KAT2B: variants seen among roughly 807,000 people sequenced by gnomAD.
KAT2B encodes lysine acetyltransferase 2B.
KAT2B carries 36 observed loss-of-function variants against 105.9 expected under a neutral mutation model. The observed-to-expected ratio is 0.34, with a 90% CI of 0.26 to 0.45. The LOEUF (loss-of-function observed/expected upper bound fraction) is 0.45, where lower values mean the gene tolerates loss of function less well. Ranked by LOEUF, KAT2B falls within the 20% of genes least tolerant of loss-of-function variation. KAT2B has a pLI of 1.00. For missense variants in KAT2B, 820 were observed against 1,021.6 expected (o/e 0.80, Z 2.69); for synonymous variants, 397 against 377.9 (o/e 1.05, Z -0.59).
chr3:20,058,959 A>G (rs1489419722), intron 1 of KAT2B, among the ~76,000 whole-genome samples: 2 of 152,190 alleles, frequency 1.3e-5, no homozygotes, highest in Non-Finnish European at 2.9e-5. Flanking sequence ...CTTAATCTTC[A>G]TTTTGATGAG....
At chr3:20,045,232 G>A (rs1450701030) in intron 1 of KAT2B, among the ~76,000 whole-genome samples, 1 of 151,984 alleles carries the variant, frequency 6.6e-6, no homozygotes, top group Non-Finnish European at 1.5e-5. Flanking sequence ...TTGCCAGGCT[G>A]GTTTCCAACT....
intron 2 of KAT2B, among the ~76,000 whole-genome samples, chr3:20,091,140 A>G (rs1698711539): frequency 1.3e-5 from 2 of 152,142 alleles, no homozygotes; most frequent in Admixed American, 1.3e-4. Flanking sequence ...GGGCTTTTCC[A>G]TGATGGAAGA....
chr3:20,079,698 A>G (rs1201323495), intron 2 of KAT2B, among the ~76,000 whole-genome samples: 2 of 152,194 alleles, frequency 1.3e-5, no homozygotes, highest in Admixed American at 6.5e-5. Context: ...CTTGTACCAT[A>G]TAATTGCCCC....
chr3:20,101,545 T>A, intron 5 of KAT2B, 77 bp downstream of exon 5: 3 of 1,132,910 alleles, frequency 2.6e-6, no homozygotes, highest in Non-Finnish European at 2.6e-6. Flanking sequence ...ACTCTATAAG[T>A]ATAGGGCTGC....
At chr3:20,107,806 C>CTTT (rs1206858155) in intron 5 of KAT2B, among the ~76,000 whole-genome samples, 7 of 113,758 alleles carry the variant, frequency 6.2e-5, no homozygotes, top group Non-Finnish European at 1.2e-4. Flanking sequence ...TTGCTTTTTC[C>CTTT]TTTTTTTTTT....
chr3:20,049,201 G>A (rs1459467779), intron 1 of KAT2B, among the ~76,000 whole-genome samples: 1 of 152,146 alleles, frequency 6.6e-6, no homozygotes, highest in East Asian at 1.9e-4. Context: ...CCTCCTTGGT[G>A]AAGTAGGAGT....
In KAT2B at chr3:20,115,906, A is replaced by G. The variant is rs900836010; in HGVS notation, c.1150+918A>G. On this transcript the variant is annotated intron_variant, in intron 7 of 17. Coordinates refer to ENST00000263754, the MANE Select transcript of KAT2B (RefSeq NM_003884.5). ...TTGAGACTGATAACTTTAATTCAGC[A>G]TAATGCATTTGAGAGGTGATTTTTG... Among the ~76,000 whole-genome samples the G allele has an allele frequency of 3.3e-5, 5 of 152,326 alleles. No homozygotes were observed. In the East Asian group the frequency reaches 7.7e-4, roughly 23 times the overall value.
chr3:20,067,887 C>G (rs1378264652), intron 1 of KAT2B, among the ~76,000 whole-genome samples: 1 of 151,838 alleles, frequency 6.6e-6, no homozygotes, highest in African/African-American at 2.4e-5. Flanking sequence ...GTTGGCCAGG[C>G]TGGTCTCGAA....
rs114448975 is a variant in KAT2B, at chr3:20,075,950, C to T, written c.430+3491C>T. On this transcript the variant is annotated intron_variant, in intron 2 of 17. Transcript: ENST00000263754. ...TTTTTTTCATACGGCTTTATCTCTA[C>T]ACTTTCCCTCCCTTACCTTTCTTGT... 3.9e-3 allele frequency among the ~76,000 whole-genome samples: 595 copies of T among 151,664 alleles called. 5 individuals carry two copies. The highest frequency in any genetic ancestry group is 0.014 in the African/African-American group (567 of 41,336).
intron 5 of KAT2B, among the ~76,000 whole-genome samples, chr3:20,102,647 A>G (rs1426645497): frequency 6.6e-6 from 1 of 152,222 alleles, no homozygotes; most frequent in African/African-American, 2.4e-5. Context: ...TTGCAGAATA[A>G]CAGAATTGGT....
chr3:20,132,737 C>A (rs1006509874), intron 11 of KAT2B, among the ~76,000 whole-genome samples: 6 of 152,136 alleles, frequency 3.9e-5, no homozygotes, highest in Non-Finnish European at 7.4e-5. Flanking sequence ...GGAGAGATGG[C>A]AAATTTGTGG....
chr3:20,059,118 T>A (rs1698051808), intron 1 of KAT2B, among the ~76,000 whole-genome samples: 1 of 152,126 alleles, frequency 6.6e-6, no homozygotes, highest in Admixed American at 6.6e-5. Flanking sequence ...TTTAAAAATA[T>A]TATTAAAATA....
At chr3:20,052,737 G>C (rs1697936635) in intron 1 of KAT2B, among the ~76,000 whole-genome samples, 1 of 152,066 alleles carries the variant, frequency 6.6e-6, no homozygotes, top group South Asian at 2.1e-4. Context: ...GGAGGCTGAG[G>C]TGGTCACATC....
chr3:20,119,774 C>T (rs1385833086), intron 8 of KAT2B, 51 bp downstream of exon 8: 2 of 1,602,898 alleles, frequency 1.2e-6, no homozygotes, highest in Non-Finnish European at 1.7e-6. Context: ...TCCAGGAGCT[C>T]CATTACCTGA....
At chr3:20,067,862 A>G (rs1698250604) in intron 1 of KAT2B, among the ~76,000 whole-genome samples, 1 of 151,340 alleles carries the variant, frequency 6.6e-6, no homozygotes, top group Non-Finnish European at 1.5e-5. Context: ...TTTAATAGAG[A>G]TGGGGTCTTG....
At chr3:20,073,691 C>T (rs184439541) in intron 2 of KAT2B, among the ~76,000 whole-genome samples, 230 of 151,772 alleles carry the variant, frequency 1.5e-3, no homozygotes, top group African/African-American at 5.3e-3. Context: ...AGAGAACTGT[C>T]CTTGATTATA....
intron 7 of KAT2B, among the ~76,000 whole-genome samples, chr3:20,119,139 A>G (rs1699261935): frequency 6.6e-6 from 1 of 152,038 alleles, no homozygotes; most frequent in Non-Finnish European, 1.5e-5. Flanking sequence ...TTTCCTTTTT[A>G]ATCAAAAAAA....
intron 12 of KAT2B, among the ~76,000 whole-genome samples, chr3:20,139,526 G>C (rs1457534501): frequency 6.6e-6 from 1 of 152,068 alleles, no homozygotes; most frequent in African/African-American, 2.4e-5. Context: ...ATGAGGCAGT[G>C]AACTGCTGGC....
chr3:20,131,429 T>G (rs777910129), intron 11 of KAT2B, among the ~76,000 whole-genome samples: 15 of 152,160 alleles, frequency 9.9e-5, no homozygotes, highest in Non-Finnish European at 1.8e-4. Flanking sequence ...AGATAAAGAT[T>G]GCTGAGCTCT....
Sources: allele counts gnomAD v4.1 joint callset (sites outside exome capture counted in the v4.1 genomes callset), GRCh38; gene constraint gnomAD v4.1.1; transcripts MANE v1.5; gene names NCBI Gene and HGNC (gene_info 2026-07-23, HGNC 2026-07-21).